The following USP34 variants were observed in gnomAD, a reference collection of about 807,000 sequenced individuals.
The protein encoded by USP34 is ubiquitin specific peptidase 34.
In USP34, 70 loss-of-function variants were observed where a neutral mutation model predicts 460.3. The observed-to-expected ratio is 0.15, with a 90% confidence interval of 0.13 to 0.19. The LOEUF (loss-of-function observed/expected upper bound fraction) is 0.19, where lower values mean the gene tolerates loss of function less well. USP34 is among the 10% of genes least tolerant of loss of function. USP34 has a pLI of 1.00. For synonymous variants in USP34, 1,647 were observed against 1,405.3 expected, an observed-to-expected ratio of 1.17 and a Z score of -3.85; for missense variants, 3,985 against 4,236.2, an observed-to-expected ratio of 0.94 and a Z score of 1.65.
intron 1 of USP34, among the ~76,000 whole-genome samples, chr2:61,469,603 T>C (rs771671677): frequency 2.6e-4 from 40 of 152,220 alleles, no homozygotes; most frequent in Non-Finnish European, 5.0e-4. Context: ...AATACCATGG[T>C]ACATTTTATA....
intron 21 of USP34, among the ~76,000 whole-genome samples, chr2:61,319,828 C>G (rs147153379): frequency 2.0e-5 from 3 of 151,958 alleles, no homozygotes; most frequent in Non-Finnish European, 4.4e-5. Context: ...AGGGCAACAG[C>G]GCGAGATTCC....
intron 27 of USP34, among the ~76,000 whole-genome samples, chr2:61,302,010 G>A (rs1015404688): frequency 6.6e-6 from 1 of 152,150 alleles, no homozygotes; most frequent in Non-Finnish European, 1.5e-5. Flanking sequence ...AAAGGGAAAA[G>A]GAAAGGAAGA....
intron 3 of USP34, among the ~76,000 whole-genome samples, chr2:61,398,233 G>A (rs983969483): frequency 3.9e-5 from 6 of 152,040 alleles, no homozygotes; most frequent in African/African-American, 1.4e-4. Context: ...CAGGCATGGT[G>A]GTGCGTGTCT....
chr2:61,281,177 T>C lies in USP34; in HGVS notation c.5064A>G (p.Gly1688=). ...YKLSLSGLDG[G]DSINRSFLLL... is the part of the protein sequence containing the mutation. Reference sequence around the variant, plus strand: ...GCAGAAAAGAACGATTGATTGAGTCTCCTCCATCCAGCCCTGACAGGGATA... The same window carrying C: ...GCAGAAAAGAACGATTGATTGAGTCCCCTCCATCCAGCCCTGACAGGGATA... Residue 1688 remains glycine, a synonymous_variant, in exon 38 of 80, where the codon GGA becomes GGG. Coordinates refer to ENST00000398571, the MANE Select transcript of USP34 (RefSeq NM_014709.4). The C allele has an allele frequency of 6.2e-7, 1 of 1,614,048 alleles. No individual in the cohort carries two copies. The highest frequency in any genetic ancestry group is 8.5e-7 in the Non-Finnish European group (1 of 1,179,952).
At chr2:61,276,816 G>A (rs934216471) in intron 41 of USP34, among the ~76,000 whole-genome samples, 3 of 152,178 alleles carry the variant, frequency 2.0e-5, no homozygotes, top group Admixed American at 2.0e-4. Flanking sequence ...AAGTAGCAAA[G>A]ATTTCAAACA....
At position 61,214,509 on chromosome 2, in the gene USP34, C is replaced by T; in HGVS notation, c.8233G>A (p.Ala2745Thr). The change falls in exon 68 of 80, where the codon GCT (alanine) becomes ACT (threonine). Residue 2745 changes from alanine to threonine, a missense_variant. Transcript: ENST00000398571. Reference sequence around the variant, plus strand: ...ACTAGCTTTGTAGTGCCATGAACAGCAGCATCAACATAAAGTTTGGCTCTT... The same window carrying T: ...ACTAGCTTTGTAGTGCCATGAACAGTAGCATCAACATAAAGTTTGGCTCTT... The part of the protein sequence containing the change: ...LSRAKLYVDA[A>T]VHGTTKLVPY... The T allele has an allele frequency of 6.2e-7, 1 of 1,613,392 alleles. No homozygotes were observed. Among genetic ancestry groups the T allele is most frequent in the Non-Finnish European group, 8.5e-7 (1 of 1,179,778 alleles).
At chr2:61,251,198 G>A (rs948119144) in intron 48 of USP34, among the ~76,000 whole-genome samples, 2 of 152,070 alleles carry the variant, frequency 1.3e-5, no homozygotes, top group African/African-American at 4.8e-5. Flanking sequence ...AAACTTGGTA[G>A]TAAATTTTCA....
chr2:61,251,943 TTAAA>T (rs1455950886), intron 48 of USP34, among the ~76,000 whole-genome samples: 4 of 151,960 alleles, frequency 2.6e-5, no homozygotes, highest in Non-Finnish European at 5.9e-5. Flanking sequence ...AATTCGGTTG[TTAAA>T]TAAACATTTT....
chr2:61,417,982 C>T (rs1694246724), intron 2 of USP34, among the ~76,000 whole-genome samples: 1 of 151,716 alleles, frequency 6.6e-6, no homozygotes, highest in South Asian at 2.1e-4. Context: ...CTCAAGTGAT[C>T]CACCTCCCTG....
At chr2:61,420,684 A>G in intron 2 of USP34, 62 bp downstream of exon 2, 1 of 1,308,222 alleles carries the variant, frequency 7.6e-7, no homozygotes, top group Non-Finnish European at 1.1e-6. Context: ...TGTGACAATA[A>G]AAATCGCAAC....
intron 67 of USP34, 59 bp downstream of exon 67, chr2:61,220,251 T>C (rs1687522681): frequency 7.0e-7 from 1 of 1,424,154 alleles, no homozygotes; most frequent in South Asian, 1.6e-5. Context: ...AAAAACAAAA[T>C]GAAACATAAC....
At chr2:61,399,638 T>G (rs72813601) in intron 3 of USP34, among the ~76,000 whole-genome samples, 1 of 151,732 alleles carries the variant, frequency 6.6e-6, no homozygotes, top group African/African-American at 2.4e-5. Context: ...TTTGGGAGGC[T>G]GAGGCAGACG....
chr2:61,464,009 T>C (rs759098385), intron 1 of USP34, among the ~76,000 whole-genome samples: 3 of 152,178 alleles, frequency 2.0e-5, no homozygotes, highest in Non-Finnish European at 2.9e-5. Flanking sequence ...ATGCAAAGCA[T>C]GTAAAGTACT....
intron 27 of USP34, among the ~76,000 whole-genome samples, chr2:61,309,125 G>A (rs1486901147): frequency 6.6e-6 from 1 of 152,120 alleles, no homozygotes; most frequent in Non-Finnish European, 1.5e-5. Flanking sequence ...ATGAAAGCAA[G>A]AAACAATGGA....
chr2:61,223,520 A>G, intron 62 of USP34: 1 of 523,608 alleles, frequency 1.9e-6, no homozygotes, highest in South Asian at 2.5e-5. Context: ...TTTTCATTTA[A>G]TTAACTTACT....
chr2:61,311,437 AG>A, intron 27 of USP34, 102 bp downstream of exon 27: 7 of 1,276,692 alleles, frequency 5.5e-6, no homozygotes, highest in Non-Finnish European at 4.2e-6. Flanking sequence ...AAGAAAGAAA[AG>A]AAAAGGAGAA....
At position 61,311,648 on chromosome 2, in the gene USP34, G is replaced by C; in HGVS notation, c.3709C>G (p.Leu1237Val). The C allele has an allele frequency of 6.2e-7, 1 of 1,613,394 alleles. No individual in the cohort carries two copies. The highest frequency in any genetic ancestry group is 8.5e-7 in the Non-Finnish European group (1 of 1,179,814). The stretch of plus-strand genomic sequence containing the variant: ...TACCAATGAGTTACTTCAGCCCTAA[G>C]ATCTGCTACCTGGTCACTAGGATAC... ...EMYPSDQVADLRAEVTHWYEN... is the reference protein window; with the variant it reads ...EMYPSDQVADVRAEVTHWYEN... Residue 1237 changes from leucine to valine, a missense_variant, in exon 27 of 80, where the codon CTT becomes GTT. Leu to Val is a conservative substitution (Grantham distance 32, BLOSUM62 1). Coordinates refer to ENST00000398571, the MANE Select transcript of USP34 (RefSeq NM_014709.4).
chr2:61,218,577 T>G (rs890791068), intron 67 of USP34, among the ~76,000 whole-genome samples: 2 of 151,824 alleles, frequency 1.3e-5, no homozygotes, highest in Admixed American at 6.6e-5. Context: ...CTAATGTCCT[T>G]TTTTTTCCTT....
intron 1 of USP34, among the ~76,000 whole-genome samples, chr2:61,467,589 G>A (rs1695811690): frequency 6.7e-6 from 1 of 149,840 alleles, no homozygotes; most frequent in South Asian, 2.1e-4. Context: ...GATGAATTCT[G>A]AGCACATTTT....
Sources: gnomAD v4.1 joint callset for allele counts (sites outside exome capture counted in the v4.1 genomes callset) on GRCh38, gnomAD v4.1.1 for gene constraint, MANE v1.5 for transcripts, NCBI Gene and HGNC (gene_info 2026-07-23, HGNC 2026-07-21) for gene names.